Variants in RGS17 observed in about 807,000 individuals in gnomAD.
RGS17 encodes the protein regulator of G-protein signaling 17.
A neutral mutation model predicts 25.5 loss-of-function variants in RGS17; 12 were observed. That is an observed-to-expected ratio of 0.47 (90% CI 0.30 to 0.76). The LOEUF (loss-of-function observed/expected upper bound fraction) is 0.76. Among genes scored for constraint, RGS17 ranks in the 30% least tolerant of loss-of-function variants. The probability of loss-of-function intolerance (pLI) is 0.07; values close to 1 mark genes in which losing one functional copy is unlikely to be tolerated. For missense variants in RGS17, 196 were observed against 242.2 expected (o/e 0.81, Z 1.27); for synonymous variants, 71 against 76.9 (o/e 0.92, Z 0.40).
intron 1 of RGS17, among the ~76,000 whole-genome samples, chr6:153,097,274 C>A (rs1402620771): frequency 1.4e-5 from 2 of 140,070 alleles, no homozygotes; most frequent in Non-Finnish European, 3.1e-5. Context: ...AGGGCTTAGA[C>A]AATAGCGTTT....
chr6:153,090,893 G>A (rs1453642027), intron 1 of RGS17, among the ~76,000 whole-genome samples: 2 of 151,960 alleles, frequency 1.3e-5, no homozygotes, highest in Non-Finnish European at 2.9e-5. Flanking sequence ...GTCCACAGGG[G>A]TCTTGGAACT....
At chr6:153,128,336 C>T (rs1334020155) in intron 1 of RGS17, among the ~76,000 whole-genome samples, 1 of 152,156 alleles carries the variant, frequency 6.6e-6, no homozygotes, top group African/African-American at 2.4e-5. Context: ...GCAGTATTCT[C>T]AGTGTTAAGT....
chr6:153,106,020 G>C (rs1294847012), intron 1 of RGS17, among the ~76,000 whole-genome samples: 1 of 152,140 alleles, frequency 6.6e-6, no homozygotes, highest in African/African-American at 2.4e-5. Context: ...TGGGAACTGG[G>C]AGAGCAGAAA....
intron 1 of RGS17, among the ~76,000 whole-genome samples, chr6:153,079,515 C>T (rs897647333): frequency 1.3e-5 from 2 of 152,150 alleles, no homozygotes; most frequent in Non-Finnish European, 2.9e-5. Flanking sequence ...TTTTTAATCA[C>T]AAATTAATGT....
intron 4 of RGS17, among the ~76,000 whole-genome samples, chr6:153,018,001 A>G (rs1201272733): frequency 1.3e-5 from 2 of 152,168 alleles, no homozygotes; most frequent in Non-Finnish European, 2.9e-5. Context: ...ATTTAGTCAC[A>G]TTTTATTTTG....
At chr6:153,100,117 C>T (rs566651657) in intron 1 of RGS17, among the ~76,000 whole-genome samples, 2 of 152,246 alleles carry the variant, frequency 1.3e-5, no homozygotes, top group Admixed American at 1.3e-4. Context: ...ACCTGGCAGA[C>T]CATTTATCTA....
chr6:153,069,164 T>C (rs529190096), intron 1 of RGS17, among the ~76,000 whole-genome samples: 30 of 152,310 alleles, frequency 2.0e-4, no homozygotes, highest in African/African-American at 7.2e-4. Flanking sequence ...CCGTGTTTGT[T>C]GTGGCACTGT....
rs184185797 is a variant in RGS17, at chr6:153,056,977, A to G, written c.-25-12934T>C. On this transcript the variant is annotated intron_variant, in intron 1 of 4. Coordinates refer to ENST00000206262, the MANE Select transcript of RGS17 (RefSeq NM_012419.5). The stretch of plus-strand genomic sequence containing the variant: ...TGACAGATTTCTCTGATTATTAAAA[A>G]TATCTATTTTCCCAAGGCAGAGATT... Among the ~76,000 whole-genome samples, 748 of 152,046 alleles carry G rather than the reference A, an allele frequency of 4.9e-3. 2 individuals are homozygous for G. Among genetic ancestry groups the G allele is most frequent in the Non-Finnish European group, 8.7e-3 (589 of 67,984 alleles).
At chr6:153,023,525 T>G (rs1779267626) in intron 4 of RGS17, 1 of 255,966 alleles carries the variant, frequency 3.9e-6, no homozygotes, top group Non-Finnish European at 8.3e-6. Context: ...CAAGAACAAA[T>G]TAAGTTTTAA....
intron 2 of RGS17, among the ~76,000 whole-genome samples, chr6:153,030,085 A>C (rs2129107736): frequency 6.6e-6 from 1 of 152,350 alleles, no homozygotes; most frequent in Middle Eastern, 3.4e-3. Flanking sequence ...ATATACTAAA[A>C]TAAGCATTTA....
chr6:153,062,337 CACA>C (rs1776650956), intron 1 of RGS17, among the ~76,000 whole-genome samples: 2 of 152,162 alleles, frequency 1.3e-5, no homozygotes, highest in African/African-American at 2.4e-5. Flanking sequence ...GGAGGGACAA[CACA>C]ACAATTGTAA....
intron 1 of RGS17, among the ~76,000 whole-genome samples, chr6:153,053,934 T>G (rs1193025366): frequency 3.3e-5 from 2 of 59,978 alleles, no homozygotes; most frequent in African/African-American, 1.1e-4. Flanking sequence ...TGTATATATA[T>G]GTATATATAA....
intron 1 of RGS17, among the ~76,000 whole-genome samples, chr6:153,076,391 GA>G (rs1776879962): frequency 6.6e-6 from 1 of 152,140 alleles, no homozygotes; most frequent in Non-Finnish European, 1.5e-5. Flanking sequence ...AACTGAATTA[GA>G]ATTATTCACA....
chr6:153,013,254 A>G lies in RGS17; in HGVS notation c.445-1492T>C, dbSNP rs116359752. The stretch of plus-strand genomic sequence containing the variant: ...ATTATATATTTTAAGGTGATCTGTG[A>G]TCAGTGACCTTCGATGTTACTCTTG... On this transcript the variant is annotated intron_variant, in intron 4 of 4. Transcript: ENST00000206262. Among the ~76,000 whole-genome samples, 338 of 152,254 alleles carry G rather than the reference A, an allele frequency of 2.2e-3. 1 individual carries two copies. The highest frequency in any genetic ancestry group is 7.8e-3 in the African/African-American group (326 of 41,542).
chr6:153,070,799 A>G (rs1776783206), intron 1 of RGS17, among the ~76,000 whole-genome samples: 2 of 151,136 alleles, frequency 1.3e-5, no homozygotes, highest in Admixed American at 1.3e-4. Context: ...ACACATACAT[A>G]TACATATACA....
intron 1 of RGS17, among the ~76,000 whole-genome samples, chr6:153,087,725 T>C (rs920319003): frequency 6.6e-6 from 1 of 152,186 alleles, no homozygotes; most frequent in Non-Finnish European, 1.5e-5. Flanking sequence ...ATCTCTTCAG[T>C]CTGCAGTGAA....
chr6:153,011,853 C>G, intron 4 of RGS17, 91 bp from the exon 5 acceptor site: 1 of 900,880 alleles, frequency 1.1e-6, no homozygotes, highest in Non-Finnish European at 1.6e-6. Flanking sequence ...TTTAGAGAAA[C>G]TTTAAAGAGC....
At chr6:153,087,197 C>T (rs1033806053) in intron 1 of RGS17, among the ~76,000 whole-genome samples, 1 of 103,426 alleles carries the variant, frequency 9.7e-6, no homozygotes, top group African/African-American at 3.3e-5. Context: ...ACAGGAGAAT[C>T]ACTTGGAGGC....
At chr6:153,082,661 A>C (rs1163080541) in intron 1 of RGS17, among the ~76,000 whole-genome samples, 1 of 152,076 alleles carries the variant, frequency 6.6e-6, no homozygotes, top group Non-Finnish European at 1.5e-5. Context: ...TTCTTTTAAA[A>C]TTCTGTTTCT....
Sources: gnomAD v4.1 joint callset for allele counts (sites outside exome capture counted in the v4.1 genomes callset) on GRCh38, gnomAD v4.1.1 for gene constraint, MANE v1.5 for transcripts, NCBI Gene and HGNC (gene_info 2026-07-23, HGNC 2026-07-21) for gene names.